The following SCRG1 variants were observed in gnomAD, a reference collection of about 807,000 sequenced individuals.
SCRG1 encodes the protein scrapie-responsive protein 1.
SCRG1 carries 3 observed loss-of-function variants against 7.7 expected under a neutral mutation model. The observed-to-expected ratio is 0.39, with a 90% CI of 0.18 to 1.01. SCRG1 has a LOEUF of 1.01. Among genes scored for constraint, SCRG1 ranks in the 50% least tolerant of loss-of-function variants. The pLI, the probability that SCRG1 is intolerant of heterozygous loss-of-function variation, is 0.36. For missense variants in SCRG1, 110 were observed against 117.2 expected (o/e 0.94, Z 0.28); for synonymous variants, 46 against 41.2 (o/e 1.12, Z -0.44).
the SCRG1 span, among the ~76,000 whole-genome samples, chr4:173,485,004 AATATAATATATAAT>A: frequency 1.3e-3 from 12 of 9,418 alleles, 1 homozygote; most frequent in African/African-American, 6.9e-3. Context: ...ATATATTATA[AATATAATATATAAT>A]ATATAATATA....
the SCRG1 span, among the ~76,000 whole-genome samples, chr4:173,483,151 T>A: frequency 9.4e-6 from 1 of 106,486 alleles, no homozygotes; most frequent in Admixed American, 1.3e-4. Flanking sequence ...GAAATATACA[T>A]ATGAAATATA....
chr4:173,443,101 G>T, the SCRG1 span, among the ~76,000 whole-genome samples: 4,120 of 152,176 alleles, frequency 0.027, 145 homozygotes, highest in East Asian at 0.11. Flanking sequence ...GTTAACTCGA[G>T]GATTTTCTAT....
the SCRG1 span, among the ~76,000 whole-genome samples, chr4:173,476,510 A>G: frequency 1.3e-5 from 2 of 151,832 alleles, no homozygotes; most frequent in Non-Finnish European, 1.5e-5. Context: ...ACACGAGCCC[A>G]CCCAATGCCT....
At chr4:173,461,637 C>T in the SCRG1 span, among the ~76,000 whole-genome samples, 1 of 152,160 alleles carries the variant, frequency 6.6e-6, no homozygotes, top group Non-Finnish European at 1.5e-5. Flanking sequence ...AAATACCTAA[C>T]CCTTCAATGC....
the SCRG1 span, among the ~76,000 whole-genome samples, chr4:173,442,665 C>T: frequency 6.6e-6 from 1 of 152,182 alleles, no homozygotes; most frequent in African/African-American, 2.4e-5. Flanking sequence ...GTTTACTTGG[C>T]TCGCAGTTCT....
upstream of SCRG1, chr4:173,399,492 T>TTTGTGTGTC (rs1739700093): frequency 3.0e-5 from 1 of 32,864 alleles, no homozygotes. Context: ...GTGTGTGTGT[T>TTTGTGTGTC]TGTGTGTCTG....
chr4:173,469,668 A>G, the SCRG1 span: 5 of 152,328 alleles, frequency 3.3e-5, no homozygotes, highest in African/African-American at 1.2e-4. Flanking sequence ...ATAAATTTGT[A>G]TCTGCTGAGT....
At chr4:173,512,714 C>T in the SCRG1 span, among the ~76,000 whole-genome samples, 1 of 152,194 alleles carries the variant, frequency 6.6e-6, no homozygotes, top group South Asian at 2.1e-4. Flanking sequence ...ACTTTTCCTA[C>T]AAGATGTGTC....
chr4:173,483,981 G>A, the SCRG1 span, among the ~76,000 whole-genome samples: 22 of 22,514 alleles, frequency 9.8e-4, no homozygotes, highest in South Asian at 0.017. Flanking sequence ...ATAATATATA[G>A]TATATTATAT....
the SCRG1 span, among the ~76,000 whole-genome samples, chr4:173,446,889 C>T: frequency 1.1e-4 from 16 of 152,090 alleles, no homozygotes; most frequent in Non-Finnish European, 1.5e-4. Context: ...GACTGACGGA[C>T]TATGGTTAAT....
chr4:173,415,871 A>T, the SCRG1 span, among the ~76,000 whole-genome samples: 2 of 152,356 alleles, frequency 1.3e-5, no homozygotes, highest in African/African-American at 4.8e-5. Flanking sequence ...CTGCATGAAC[A>T]CACCAAGAGC....
At chr4:173,466,003 A>G in the SCRG1 span, among the ~76,000 whole-genome samples, 1 of 152,284 alleles carries the variant, frequency 6.6e-6, no homozygotes, top group South Asian at 2.1e-4. Context: ...GATAATTACC[A>G]GCAATAAAGG....
chr4:173,452,321 CT>C, the SCRG1 span, among the ~76,000 whole-genome samples: 5 of 152,032 alleles, frequency 3.3e-5, no homozygotes, highest in East Asian at 9.6e-4. Context: ...GGTCTTCATC[CT>C]CTTTATTTTC....
chr4:173,429,514 C>T, the SCRG1 span, among the ~76,000 whole-genome samples: 3 of 152,082 alleles, frequency 2.0e-5, no homozygotes, highest in Non-Finnish European at 4.4e-5. Flanking sequence ...GCAGCCTGGT[C>T]TCAAACTCCT....
chr4:173,499,793 G>A, the SCRG1 span, among the ~76,000 whole-genome samples: 1 of 151,820 alleles, frequency 6.6e-6, no homozygotes. The surrounding 1 kb of genome is among the most constrained non-coding windows in gnomAD (Gnocchi z 4.1). Flanking sequence ...TCCCATTTGG[G>A]GAGAAAAAAA....
At chr4:173,501,542 C>T in the SCRG1 span, among the ~76,000 whole-genome samples, 7 of 152,138 alleles carry the variant, frequency 4.6e-5, no homozygotes, top group African/African-American at 1.7e-4. The surrounding 1 kb of genome is among the most constrained non-coding windows in gnomAD (Gnocchi z 5.1). Context: ...GGCCTTTCTG[C>T]GCTCAGGCCT....
chr4:173,396,929 T>C (rs1423318661), intron 1 of SCRG1, among the ~76,000 whole-genome samples: 3 of 152,044 alleles, frequency 2.0e-5, no homozygotes, highest in Non-Finnish European at 4.4e-5. Context: ...GTCATGTGAC[T>C]GTAGTCCCAG....
chr4:173,504,776 A>C, the SCRG1 span, among the ~76,000 whole-genome samples: 1 of 152,332 alleles, frequency 6.6e-6, no homozygotes, highest in Non-Finnish European at 1.5e-5. This position sits in a 1 kb window ranked among gnomAD's most constrained non-coding sequence, Gnocchi z 4.7. Context: ...AACTGAGTTC[A>C]ATTCACATTG....
At chr4:173,511,785 T>C in the SCRG1 span, among the ~76,000 whole-genome samples, 1 of 152,178 alleles carries the variant, frequency 6.6e-6, no homozygotes, top group African/African-American at 2.4e-5. This position sits in a 1 kb window ranked among gnomAD's most constrained non-coding sequence, Gnocchi z 5.2. Flanking sequence ...AATGTATATA[T>C]ATAAACTTGG....
Sources: allele counts gnomAD v4.1 joint callset (sites outside exome capture counted in the v4.1 genomes callset), GRCh38; gene constraint gnomAD v4.1.1; non-coding constraint Gnocchi (gnomAD v3.1); transcripts MANE v1.5; gene names NCBI Gene and HGNC (gene_info 2026-07-23, HGNC 2026-07-21).